FGF1: variants seen among roughly 807,000 people sequenced by gnomAD.
The protein encoded by FGF1 is fibroblast growth factor 1, also known as beta-endothelial cell growth factor.
Under a neutral mutation model 13.4 loss-of-function variants are expected in FGF1, and 9 were observed. That is an observed-to-expected ratio of 0.67 (90% CI 0.40 to 1.17). The LOEUF is 1.17. Among genes scored for constraint, FGF1 ranks in the 50% most tolerant of loss-of-function variants. The pLI is 0.01. For synonymous variants in FGF1, 93 were observed against 79.0 expected (o/e 1.18, Z -0.94); for missense variants, 156 against 192.7 (o/e 0.81, Z 1.13).
At chr5:142,644,478 C>G (rs1344223637) in intron 1 of FGF1, among the ~76,000 whole-genome samples, 1 of 152,050 alleles carries the variant, frequency 6.6e-6, no homozygotes, top group Non-Finnish European at 1.5e-5. Flanking sequence ...ACCATTCCTG[C>G]AGTGTGATTT....
At chr5:142,609,608 C>T (rs1262271743) in intron 2 of FGF1, among the ~76,000 whole-genome samples, 1 of 152,132 alleles carries the variant, frequency 6.6e-6, no homozygotes, top group Non-Finnish European at 1.5e-5. Flanking sequence ...CCCAGAGAAG[C>T]TGGGACAAAG....
At chr5:142,661,217 G>A (rs1475617550) in intron 1 of FGF1, among the ~76,000 whole-genome samples, 1 of 152,190 alleles carries the variant, frequency 6.6e-6, no homozygotes, top group Non-Finnish European at 1.5e-5. Context: ...CAAACATGAT[G>A]CAGATGTTCT....
chr5:142,681,155 C>T (rs755588561), intron 1 of FGF1, among the ~76,000 whole-genome samples: 9 of 152,154 alleles, frequency 5.9e-5, no homozygotes, highest in Non-Finnish European at 1.2e-4. Flanking sequence ...GGTCAGGAGA[C>T]GGTCTTGAGC....
intron 1 of FGF1, among the ~76,000 whole-genome samples, chr5:142,650,348 G>A (rs959192450): frequency 6.6e-6 from 1 of 152,226 alleles, no homozygotes; most frequent in Non-Finnish European, 1.5e-5. Context: ...CAGTCAAGGT[G>A]AACATGGTAG....
rs183302726 is a variant in FGF1 at position 142,628,875 on chromosome 5, C to T, written c.-34-14714G>A. Among the ~76,000 whole-genome samples, 196 of 152,264 alleles carry T rather than the reference C, an allele frequency of 1.3e-3. 1 individual carries two copies. The highest frequency in any genetic ancestry group is 4.5e-3 in the African/African-American group (186 of 41,546). On this transcript the variant is annotated intron_variant, in intron 1 of 3. Transcript: ENST00000337706. ...TTGCTTCTCGGAGCTGCCATCTTTTCGCACATAATTCCTCTTCACATTCAA... is the reference window on the plus strand; with the variant it reads ...TTGCTTCTCGGAGCTGCCATCTTTTTGCACATAATTCCTCTTCACATTCAA...
chr5:142,634,416 G>A (rs942116247), intron 1 of FGF1, among the ~76,000 whole-genome samples: 6 of 152,162 alleles, frequency 3.9e-5, no homozygotes, highest in Admixed American at 6.5e-5. Flanking sequence ...AATGGCAGAC[G>A]GTTGTGAATT....
chr5:142,688,809 C>T (rs375608458), upstream of FGF1, among the ~76,000 whole-genome samples: 5 of 152,222 alleles, frequency 3.3e-5, no homozygotes, highest in East Asian at 7.7e-4. Context: ...TTTCCTTTCG[C>T]ATCCTAACAG....
At chr5:142,627,943 C>T (rs1224696122) in intron 1 of FGF1, among the ~76,000 whole-genome samples, 1 of 152,150 alleles carries the variant, frequency 6.6e-6, no homozygotes, top group African/African-American at 2.4e-5. Flanking sequence ...GTTTCAGCAC[C>T]ACCGATGGCT....
At chr5:142,649,192 T>C (rs1445764481) in intron 1 of FGF1, among the ~76,000 whole-genome samples, 1 of 152,192 alleles carries the variant, frequency 6.6e-6, no homozygotes, top group Non-Finnish European at 1.5e-5. Flanking sequence ...TCTATCCCCC[T>C]TCCTTGAGGC....
At chr5:142,633,878 ACT>A (rs1314360233) in intron 1 of FGF1, among the ~76,000 whole-genome samples, 2 of 151,774 alleles carry the variant, frequency 1.3e-5, no homozygotes, top group African/African-American at 2.4e-5. Flanking sequence ...GGCACTAATG[ACT>A]CTGTTGAATC....
chr5:142,680,280 C>A (rs1317225292), intron 1 of FGF1, among the ~76,000 whole-genome samples: 1 of 152,136 alleles, frequency 6.6e-6, no homozygotes, highest in Non-Finnish European at 1.5e-5. Context: ...GTCTTCGACT[C>A]ATTGAATGAA....
chr5:142,638,938 A>T (rs575192446), intron 1 of FGF1, among the ~76,000 whole-genome samples: 1 of 152,176 alleles, frequency 6.6e-6, no homozygotes, highest in South Asian at 2.1e-4. Context: ...ATTGCTAATC[A>T]TTAGGGAAAC....
intron 2 of FGF1, among the ~76,000 whole-genome samples, chr5:142,611,504 T>C (rs1341964248): frequency 1.3e-5 from 2 of 152,198 alleles, no homozygotes; most frequent in African/African-American, 4.8e-5. Flanking sequence ...GGCTTGAAGC[T>C]TCTTTCGCAG....
chr5:142,610,361 C>A (rs1014556456), intron 2 of FGF1, among the ~76,000 whole-genome samples: 2 of 152,194 alleles, frequency 1.3e-5, no homozygotes, highest in African/African-American at 4.8e-5. Context: ...AGTCCTTGTC[C>A]TCTAGGAGTC....
At chr5:142,617,116 G>C (rs1760416386) in intron 1 of FGF1, among the ~76,000 whole-genome samples, 1 of 152,208 alleles carries the variant, frequency 6.6e-6, no homozygotes, top group South Asian at 2.1e-4. Flanking sequence ...TGCAATCCTA[G>C]CACTTTGGGA....
intron 1 of FGF1, among the ~76,000 whole-genome samples, chr5:142,661,993 G>C (rs952298430): frequency 6.6e-6 from 1 of 151,664 alleles, no homozygotes; most frequent in African/African-American, 2.4e-5. Flanking sequence ...GAGCAAGACT[G>C]CGTCTCAAAA....
chr5:142,665,332 C>T (rs1333231964), intron 1 of FGF1, among the ~76,000 whole-genome samples: 1 of 151,796 alleles, frequency 6.6e-6, no homozygotes, highest in Non-Finnish European at 1.5e-5. Context: ...CTGGGTGGGG[C>T]TTTCCATCTC....
intron 1 of FGF1, among the ~76,000 whole-genome samples, chr5:142,623,723 T>C (rs72794722): frequency 0.052 from 7,816 of 150,156 alleles, 211 homozygotes; most frequent in Middle Eastern, 0.12. Flanking sequence ...TTTAGAAATA[T>C]TTTGTGTCAT....
intron 1 of FGF1, among the ~76,000 whole-genome samples, chr5:142,657,649 G>A (rs1023563579): frequency 3.9e-5 from 6 of 152,180 alleles, no homozygotes; most frequent in African/African-American, 9.7e-5. Flanking sequence ...CACCACACTC[G>A]CCATGCTGCT....
Sources: allele counts gnomAD v4.1 joint callset (sites outside exome capture counted in the v4.1 genomes callset), GRCh38; gene constraint gnomAD v4.1.1; transcripts MANE v1.5; gene names NCBI Gene and HGNC (gene_info 2026-07-23, HGNC 2026-07-21).